ZNF782: variants seen among roughly 807,000 people sequenced by gnomAD.
ZNF782 encodes the protein zinc finger protein 782.
In ZNF782, 12 loss-of-function variants were observed where a neutral mutation model predicts 13.0. That is an observed-to-expected ratio of 0.92 (90% CI 0.59 to 1.50). ZNF782 has a LOEUF of 1.50. Among genes scored for constraint, ZNF782 ranks in the 40% most tolerant of loss-of-function variants. ZNF782 has a pLI of 0.00. For missense variants in ZNF782, 770 were observed against 822.9 expected, an observed-to-expected ratio of 0.94 and a Z score of 0.79; for synonymous variants, 284 against 283.0, an observed-to-expected ratio of 1.00 and a Z score of -0.04.
intron 4 of ZNF782, among the ~76,000 whole-genome samples, chr9:96,839,354 A>G (rs2118652721): frequency 6.6e-6 from 1 of 150,432 alleles, no homozygotes; most frequent in East Asian, 2.0e-4. Flanking sequence ...AAACTGAGAA[A>G]GAGGTGTCAT....
intron 1 of ZNF782, among the ~76,000 whole-genome samples, chr9:96,864,877 TAA>T (rs35546553): frequency 1.6e-4 from 15 of 92,794 alleles, no homozygotes; most frequent in Admixed American, 5.0e-4. Context: ...CAAAAAGAAC[TAA>T]AAAAAAAAAA....
At chr9:96,868,154 G>A (rs1393066183) in intron 1 of ZNF782, among the ~76,000 whole-genome samples, 2 of 152,178 alleles carry the variant, frequency 1.3e-5, no homozygotes, top group East Asian at 1.9e-4. Context: ...ATTTACTTAT[G>A]TGCATTTTTG....
In ZNF782 at chr9:96,818,745, T is replaced by C; in HGVS notation, c.1278A>G (p.Gly426=). The C allele has an allele frequency of 6.2e-7, 1 of 1,614,152 alleles. No homozygotes were observed. The highest frequency in any genetic ancestry group is 8.5e-7 in the Non-Finnish European group (1 of 1,180,030). ...HTGEKPYKCD[G]CDKAFSAKSG... is the part of the protein sequence containing the mutation. Reference sequence around the variant, plus strand: ...ACTTTGCACTGAAAGCTTTATCACATCCATCACATTTGTATGGTTTCTCTC... The same window carrying C: ...ACTTTGCACTGAAAGCTTTATCACACCCATCACATTTGTATGGTTTCTCTC... The change falls in exon 6 of 6, where the codon GGA becomes GGG. Residue 426 remains glycine (G), a synonymous_variant. Coordinates refer to ENST00000481138, the MANE Select transcript of ZNF782 (RefSeq NM_001001662.3).
chr9:96,839,699 T>C (rs770535609), intron 4 of ZNF782, among the ~76,000 whole-genome samples: 2 of 152,180 alleles, frequency 1.3e-5, no homozygotes, highest in Non-Finnish European at 2.9e-5. Flanking sequence ...TTCTGATTTT[T>C]CTCCCAGTGT....
chr9:96,859,213 G>GCA (rs1424092317), upstream of ZNF782, among the ~76,000 whole-genome samples: 1 of 152,222 alleles, frequency 6.6e-6, no homozygotes, highest in African/African-American at 2.4e-5. Context: ...CACAAGGACT[G>GCA]CAACTCTTAG....
chr9:96,836,825 G>A (rs1203041117), intron 4 of ZNF782, among the ~76,000 whole-genome samples: 8 of 152,094 alleles, frequency 5.3e-5, no homozygotes, highest in Non-Finnish European at 2.9e-5. Context: ...CATAGGAATA[G>A]ATTATTTCTT....
the ZNF782 span, among the ~76,000 whole-genome samples, chr9:96,882,723 A>G: frequency 3.3e-5 from 5 of 152,222 alleles, no homozygotes; most frequent in Non-Finnish European, 7.3e-5. Context: ...TTTTAACTGC[A>G]TGCTTACATA....
rs1349714450 is a variant in ZNF782, at chr9:96,844,833, AAG to A, written c.142+55_142+56del. ...ACATGGTACGGTATGGAGAGAGAGA[AAG>A]AGAGGAGAAACAGAACTGCACTCTG... On this transcript the variant is annotated intron_variant, in intron 4 of 5. Coordinates refer to ENST00000481138, the MANE Select transcript of ZNF782 (RefSeq NM_001001662.3). 1.2e-5 allele frequency: 20 copies of A among 1,612,226 alleles called. No homozygotes were observed. The East Asian group carries it at 3.8e-4, about 31-fold the overall frequency.
chr9:96,885,062 T>C, the ZNF782 span, among the ~76,000 whole-genome samples: 2 of 151,634 alleles, frequency 1.3e-5, no homozygotes, highest in East Asian at 3.9e-4. Context: ...TAAAAAAGAT[T>C]AAATAGAATT....
intron 4 of ZNF782, among the ~76,000 whole-genome samples, chr9:96,833,898 T>C (rs1245600777): frequency 6.6e-6 from 1 of 152,230 alleles, no homozygotes; most frequent in African/African-American, 2.4e-5. Context: ...GTTTATTTTA[T>C]TACTCAAACT....
the ZNF782 span, among the ~76,000 whole-genome samples, chr9:96,886,683 G>C: frequency 2.6e-5 from 4 of 152,134 alleles, no homozygotes; most frequent in Non-Finnish European, 5.9e-5. Context: ...AGGACTTTGG[G>C]AGGCCGAGGC....
At chr9:96,824,020 C>T (rs577743464) in intron 5 of ZNF782, among the ~76,000 whole-genome samples, 21 of 152,230 alleles carry the variant, frequency 1.4e-4, no homozygotes, top group South Asian at 2.1e-4. Context: ...TTCCAATCAA[C>T]AGAAAAAGAG....
At chr9:96,820,519 G>T (rs1850377553) in intron 5 of ZNF782, among the ~76,000 whole-genome samples, 1 of 149,970 alleles carries the variant, frequency 6.7e-6, no homozygotes, top group Admixed American at 6.6e-5. Context: ...GGTTTATTAT[G>T]TCAGGGTTGT....
intron 1 of ZNF782, among the ~76,000 whole-genome samples, chr9:96,874,334 T>G (rs1267696102): frequency 1.3e-5 from 2 of 152,036 alleles, no homozygotes; most frequent in Non-Finnish European, 2.9e-5. Flanking sequence ...TGGAATTCTG[T>G]GAGGTTAAGA....
chr9:96,827,319 C>A, intron 4 of ZNF782, 138 bp from the exon 5 acceptor site: 1 of 518,628 alleles, frequency 1.9e-6, no homozygotes, highest in Admixed American at 3.7e-5. Context: ...CCACAAAAAA[C>A]ATTTTCTTTC....
the ZNF782 span, chr9:96,890,403 G>T: frequency 6.6e-6 from 1 of 152,522 alleles, no homozygotes; most frequent in East Asian, 1.9e-4. Flanking sequence ...TGGGCTGGTG[G>T]TGACAAGGGG....
At chr9:96,833,811 TCTTA>T (rs1157593064) in intron 4 of ZNF782, among the ~76,000 whole-genome samples, 1 of 152,218 alleles carries the variant, frequency 6.6e-6, no homozygotes, top group African/African-American at 2.4e-5. Context: ...TTCTATTCTC[TCTTA>T]TTTATTCAAT....
At chr9:96,879,851 CACTT>C (rs1479769438), upstream of ZNF782, among the ~76,000 whole-genome samples, 3 of 152,166 alleles carry the variant, frequency 2.0e-5, no homozygotes, top group African/African-American at 4.8e-5. Context: ...TTGCTTAACT[CACTT>C]ATTCGTTTTA....
chr9:96,901,885 A>G, the ZNF782 span, among the ~76,000 whole-genome samples: 1 of 150,430 alleles, frequency 6.6e-6, no homozygotes, highest in African/African-American at 2.4e-5. Flanking sequence ...AAAAAAAAAA[A>G]AAAAGAAACA....
Sources: gnomAD v4.1 joint callset for allele counts (sites outside exome capture counted in the v4.1 genomes callset) on GRCh38, gnomAD v4.1.1 for gene constraint, MANE v1.5 for transcripts, NCBI Gene and HGNC (gene_info 2026-07-23, HGNC 2026-07-21) for gene names.